Variants in HS1BP3 observed in about 807,000 individuals in gnomAD.
HS1BP3 encodes HCLS1 binding protein 3, also known as HCLS1-binding protein 3.
HS1BP3 carries 32 observed loss-of-function variants against 33.5 expected under a neutral mutation model. The observed-to-expected ratio is 0.95, with a 90% confidence interval of 0.72 to 1.28. HS1BP3 has a LOEUF of 1.28. Among genes scored for constraint, HS1BP3 ranks in the 50% most tolerant of loss-of-function variants. The pLI is 0.00. For synonymous variants in HS1BP3, 187 were observed against 209.2 expected, an observed-to-expected ratio of 0.89 and a Z score of 0.92; for missense variants, 486 against 502.3, an observed-to-expected ratio of 0.97 and a Z score of 0.31.
At chr2:20,612,130 A>G (rs912248751) in intron 2 of HS1BP3, among the ~76,000 whole-genome samples, 1 of 152,320 alleles carries the variant, frequency 6.6e-6, no homozygotes, top group African/African-American at 2.4e-5. Flanking sequence ...GAGGCAGGTA[A>G]AATTATTACC....
At chr2:20,604,660 G>A in intron 2 of HS1BP3, among the ~76,000 whole-genome samples, 1 of 152,216 alleles carries the variant, frequency 6.6e-6, no homozygotes, top group East Asian at 1.9e-4. Context: ...GCTCAAGGTG[G>A]CTTAGAGAGT....
At chr2:20,616,006 G>A (rs17662644), downstream of HS1BP3, among the ~76,000 whole-genome samples, 36,022 of 152,156 alleles carry the variant, frequency 0.24, 5,059 homozygotes, top group Non-Finnish European at 0.32. Flanking sequence ...CTGAGTTCCC[G>A]GCTTCCTAAG....
At chr2:20,556,086 G>A (rs1459008544), downstream of HS1BP3, among the ~76,000 whole-genome samples, 1 of 152,184 alleles carries the variant, frequency 6.6e-6, no homozygotes, top group Non-Finnish European at 1.5e-5. Context: ...TCACTACCCA[G>A]AAGAAACCAT....
intron 3 of HS1BP3, among the ~76,000 whole-genome samples, chr2:20,596,269 A>G (rs1437057086): frequency 6.6e-6 from 1 of 152,180 alleles, no homozygotes; most frequent in Non-Finnish European, 1.5e-5. Flanking sequence ...CCCAGCTAGG[A>G]TACTGCCTCC....
chr2:20,611,158 G>A lies in HS1BP3; in HGVS notation c.178+12738C>T, dbSNP rs772581839. ...CCTTTTTGACGCTGCACAGCATTCC[G>A]CTGCATCCATGTGCCACTGTTTGCT... On this transcript the variant is annotated intron_variant, in intron 2 of 3. Coordinates refer to the HS1BP3 transcript ENST00000415264. This position sits in a 1 kb window ranked among gnomAD's most constrained non-coding sequence, Gnocchi z 4.9. Among the ~76,000 whole-genome samples the A allele has an allele frequency of 1.3e-5, 2 of 152,210 alleles. No homozygotes were observed. The highest frequency in any genetic ancestry group is 2.9e-5 in the Non-Finnish European group (2 of 68,050).
At chr2:20,612,859 A>C (rs949135740), downstream of HS1BP3, among the ~76,000 whole-genome samples, 3 of 152,166 alleles carry the variant, frequency 2.0e-5, no homozygotes, top group African/African-American at 7.2e-5. Flanking sequence ...TGTGTGGTAC[A>C]TTTATGTTTA....
At chr2:20,586,979 G>A (rs1468927417) in intron 5 of HS1BP3, among the ~76,000 whole-genome samples, 1 of 152,172 alleles carries the variant, frequency 6.6e-6, no homozygotes, top group Non-Finnish European at 1.5e-5. Flanking sequence ...GGCTGAGGGT[G>A]GCATATCAGT....
Position 20,622,906 on chromosome 2 carries a change from C to T in HS1BP3, c.920+990G>A, listed in dbSNP as rs752576992. On this transcript the variant is annotated intron_variant, in intron 6 of 6. Transcript: ENST00000304031. ...AGCCGTCACGGTGACTCAGGCTTGG[C>T]GGGCACTTGCAGGGCTGTCTAATAG... is the stretch of plus-strand genomic sequence containing the variant. 1.2e-3 allele frequency: 187 copies of T among 155,352 alleles called. 1 individual carries two copies. Among genetic ancestry groups the T allele is most frequent in the South Asian group, 5.9e-4 (3 of 5,104 alleles). The allele number at this position is 155,352 out of a possible 1,614,324, so 9.6% of individuals were successfully genotyped here.
chr2:20,567,678 AGAG>A (rs1057240329), intron 5 of HS1BP3, among the ~76,000 whole-genome samples: 1 of 152,180 alleles, frequency 6.6e-6, no homozygotes, highest in African/African-American at 2.4e-5. Context: ...TCCTGCAGAC[AGAG>A]GAGAGGCTGC....
intron 2 of HS1BP3, among the ~76,000 whole-genome samples, chr2:20,602,510 T>C (rs1046997670): frequency 2.0e-5 from 3 of 152,250 alleles, no homozygotes; most frequent in Admixed American, 6.5e-5. Flanking sequence ...AAGTGGAGTA[T>C]AAAAAAGAAG....
intron 5 of HS1BP3, among the ~76,000 whole-genome samples, chr2:20,563,501 T>C (rs889267539): frequency 3.3e-5 from 5 of 152,194 alleles, no homozygotes; most frequent in African/African-American, 1.2e-4. Context: ...AATAAGGAGC[T>C]TCTACAGGCA....
Position 20,651,012 on chromosome 2 carries a change from G to A in HS1BP3, c.32+20C>T. ...CCGGACTGCGAGCTGTGCGGTGTGG[G>A]GCGCGGGGGTCTGGCTCACCTGGAG... On this transcript the variant is annotated intron_variant, in intron 1 of 6. Transcript: ENST00000304031. The A allele has an allele frequency of 1.6e-6, 2 of 1,237,788 alleles. No individual in the cohort carries two copies. Among genetic ancestry groups the A allele is most frequent in the Non-Finnish European group, 2.0e-6 (2 of 991,624 alleles). 76.7% of individuals were successfully genotyped at this position (1,237,788 alleles called of 1,614,324 possible). A position where few individuals can be genotyped will look rare whatever the true frequency, so the allele number is the denominator to read the frequency against.
intron 2 of HS1BP3, among the ~76,000 whole-genome samples, chr2:20,612,714 C>T (rs752439317): frequency 5.3e-5 from 8 of 152,102 alleles, no homozygotes; most frequent in African/African-American, 9.7e-5. Context: ...ATTCACCAGC[C>T]GAGAGGCTTT....
intron 2 of HS1BP3, among the ~76,000 whole-genome samples, chr2:20,612,780 A>G (rs1694342100): frequency 6.6e-6 from 1 of 152,206 alleles, no homozygotes; most frequent in South Asian, 2.1e-4. Flanking sequence ...ACATCTGTGT[A>G]CAAGCCTTTG....
downstream of HS1BP3, among the ~76,000 whole-genome samples, chr2:20,558,480 G>A (rs1692894918): frequency 6.6e-6 from 1 of 152,176 alleles, no homozygotes; most frequent in African/African-American, 2.4e-5. Flanking sequence ...TCAGTTCTGG[G>A]CTGCAAGGTA....
intron 5 of HS1BP3, among the ~76,000 whole-genome samples, chr2:20,583,439 G>T (rs567622824): frequency 3.9e-5 from 6 of 152,186 alleles, no homozygotes; most frequent in African/African-American, 1.4e-4. Context: ...GGGCGCAGTT[G>T]GTTCTCACTA....
intron 3 of HS1BP3, 95 bp downstream of exon 3, chr2:20,640,878 G>T: frequency 8.0e-7 from 1 of 1,245,100 alleles, no homozygotes; most frequent in South Asian, 1.3e-5. Context: ...CCAGGCTGCA[G>T]AGGCAGCTGT....
intron 5 of HS1BP3, among the ~76,000 whole-genome samples, chr2:20,581,741 T>C (rs1188816333): frequency 6.6e-6 from 1 of 152,220 alleles, no homozygotes. Context: ...AAGACTGTAA[T>C]GAAGGTGTCA....
rs1008276369 is a variant in HS1BP3, at chr2:20,649,102, A to T, written c.32+1930T>A. Among the ~76,000 whole-genome samples the T allele has an allele frequency of 7.9e-5, 12 of 152,336 alleles. 1 individual carries two copies. Among genetic ancestry groups the T allele is most frequent in the African/African-American group, 2.9e-4 (12 of 41,568 alleles). ...GGCCACTGCCCATGCTCAGCATAGC[A>T]GCCAAAGGATCTCTATAAACCAGAA... On this transcript the variant is annotated intron_variant, in intron 1 of 6. Coordinates refer to ENST00000304031, the MANE Select transcript of HS1BP3 (RefSeq NM_022460.4).
Sources: gnomAD v4.1 joint callset for allele counts (sites outside exome capture counted in the v4.1 genomes callset) on GRCh38, gnomAD v4.1.1 for gene constraint, Gnocchi (gnomAD v3.1) non-coding constraint, MANE v1.5 for transcripts, NCBI Gene and HGNC (gene_info 2026-07-23, HGNC 2026-07-21) for gene names.